The following HDX variants were observed in gnomAD, a reference collection of about 807,000 sequenced individuals.
HDX encodes chromosome X open reading frame 43.
HDX carries 19 observed loss-of-function variants against 45.2 expected under a neutral mutation model. The observed-to-expected ratio is 0.42, with a 90% confidence interval of 0.29 to 0.62. HDX has a LOEUF of 0.62. HDX is among the 20% of genes least tolerant of loss of function. HDX has a pLI of 0.20. For missense variants in HDX, 532 were observed against 493.9 expected, an observed-to-expected ratio of 1.08 and a Z score of -0.73; for synonymous variants, 188 against 172.8, an observed-to-expected ratio of 1.09 and a Z score of -0.69.
chrX:84,377,714 GA>G (rs1304842641), intron 5 of HDX, among the ~76,000 whole-genome samples: 5 of 106,632 alleles, frequency 4.7e-5, no homozygotes, highest in Non-Finnish European at 9.7e-5. Context: ...GGGACAAAAG[GA>G]AAAAAAAATA....
chrX:84,413,409 T>C (rs1235889182), intron 5 of HDX, among the ~76,000 whole-genome samples: 1 of 111,743 alleles, frequency 8.9e-6, no homozygotes, highest in East Asian at 2.8e-4. Context: ...GAAGATATTA[T>C]GGGGCCAAGG....
intron 4 of HDX, among the ~76,000 whole-genome samples, chrX:84,465,237 T>A (rs1569358985): frequency 8.9e-6 from 1 of 112,211 alleles, no homozygotes; most frequent in East Asian, 2.8e-4. Context: ...TGTAAATTAG[T>A]TCAACCATTG....
At chrX:84,495,668 A>T (rs141455318) in intron 1 of HDX, among the ~76,000 whole-genome samples, 1,640 of 111,835 alleles carry the variant, frequency 0.015, 23 homozygotes, top group African/African-American at 0.05. Flanking sequence ...TGAAAAAAAT[A>T]AAACAAAAAC....
chrX:84,368,010 A>C (rs1232311984), intron 5 of HDX, among the ~76,000 whole-genome samples: 2 of 111,936 alleles, frequency 1.8e-5, no homozygotes, highest in Non-Finnish European at 3.8e-5. Flanking sequence ...TTAAACATTA[A>C]ATAAATATTG....
intron 5 of HDX, among the ~76,000 whole-genome samples, chrX:84,432,639 G>A: frequency 9.0e-6 from 1 of 110,601 alleles, no homozygotes; most frequent in Non-Finnish European, 1.9e-5. Flanking sequence ...TGTTGTTTTT[G>A]TATAGAAATG....
intron 2 of HDX, among the ~76,000 whole-genome samples, chrX:84,485,797 T>C (rs150995858): frequency 2.7e-3 from 306 of 112,246 alleles, no homozygotes; most frequent in African/African-American, 7.9e-3. Context: ...TCTTTAGTTA[T>C]GTAATGCTGC....
At chrX:84,496,671 G>C (rs1308770045) in intron 1 of HDX, among the ~76,000 whole-genome samples, 1 of 111,572 alleles carries the variant, frequency 9.0e-6, no homozygotes, top group African/African-American at 3.3e-5. Context: ...ATTAGTGATG[G>C]AAGTGAGCCT....
intron 5 of HDX, among the ~76,000 whole-genome samples, chrX:84,408,524 C>CTTTTTTTTTT (rs2038894778): frequency 2.6e-4 from 7 of 27,161 alleles, no homozygotes; most frequent in East Asian, 2.6e-3. Context: ...TTTTTTTTTG[C>CTTTTTTTTTT]TTACAATTCC....
intron 10 of HDX, among the ~76,000 whole-genome samples, chrX:84,323,286 T>G (rs142575061): frequency 1.3e-3 from 141 of 111,273 alleles, no homozygotes; most frequent in African/African-American, 4.3e-3. Flanking sequence ...AGTGGCTAGA[T>G]TGCAGTAATA....
At chrX:84,413,461 C>G (rs1329977571) in intron 5 of HDX, among the ~76,000 whole-genome samples, 1 of 111,376 alleles carries the variant, frequency 9.0e-6, no homozygotes. Flanking sequence ...AACTCTAGGT[C>G]CCTAGTACCC....
chrX:84,478,624 T>C (rs1178948296), intron 2 of HDX, among the ~76,000 whole-genome samples: 2 of 111,604 alleles, frequency 1.8e-5, no homozygotes, highest in Non-Finnish European at 3.8e-5. Context: ...GAGGCTGAGG[T>C]AGGAGGATTT....
chrX:84,480,104 T>G (rs1335753788), intron 2 of HDX, among the ~76,000 whole-genome samples: 3 of 111,669 alleles, frequency 2.7e-5, no homozygotes, highest in African/African-American at 9.8e-5. Flanking sequence ...ATATATTTTC[T>G]GTTTTAGGGG....
At chrX:84,333,354 T>C (rs2036884966) in intron 9 of HDX, among the ~76,000 whole-genome samples, 1 of 111,633 alleles carries the variant, frequency 9.0e-6, no homozygotes, top group African/African-American at 3.2e-5. Context: ...AGCTGTATTA[T>C]CATATTTTTA....
At chrX:84,343,442 C>T (rs1178147997) in intron 7 of HDX, among the ~76,000 whole-genome samples, 1 of 109,978 alleles carries the variant, frequency 9.1e-6, no homozygotes, top group Non-Finnish European at 1.9e-5. Flanking sequence ...AACAACAAAA[C>T]AAACAAGCAA....
chrX:84,494,844 G>A (rs187930247), intron 1 of HDX, among the ~76,000 whole-genome samples: 116 of 111,341 alleles, frequency 1.0e-3, no homozygotes, highest in African/African-American at 3.7e-3. Context: ...TCAATATATA[G>A]CCAAAGGAAA....
At chrX:84,396,716 T>C (rs1019044717) in intron 5 of HDX, among the ~76,000 whole-genome samples, 1 of 111,641 alleles carries the variant, frequency 9.0e-6, no homozygotes, top group African/African-American at 3.3e-5. Flanking sequence ...AGGTAGTGTG[T>C]GCCTGTAAGT....
At chrX:84,345,235 C>G (rs1291936880) in intron 6 of HDX, among the ~76,000 whole-genome samples, 1 of 111,300 alleles carries the variant, frequency 9.0e-6, no homozygotes, top group East Asian at 2.8e-4. Context: ...AGCAAAATAT[C>G]AAAAACAGGA....
rs763952727 is a variant in HDX at position 84,469,432 on chromosome X, A to G, written c.291T>C (p.Ser97=). ...TGACATCATTATTGGCAGATGTCCA[A>G]GAAGACTGCTGGCTTGAGGGTCGAG... ...NIARPSSQQS[S]WTSANNDVIV... The change falls in exon 4 of 11, where the codon TCT becomes TCC. Residue 97 remains serine (S), a synonymous_variant. Coordinates refer to ENST00000373177, the MANE Select transcript of HDX (RefSeq NM_001177479.2). The G allele has an allele frequency of 1.7e-6, 2 of 1,211,307 alleles. No homozygotes were observed. The highest frequency in any genetic ancestry group is 4.4e-5 in the Admixed American group (2 of 45,966).
At position 84,378,601 on chromosome X, in the gene HDX, G is replaced by A. The variant is rs183918682; in HGVS notation, c.1306-16989C>T. Among the ~76,000 whole-genome samples, 147 of 111,212 alleles carry A rather than the reference G, an allele frequency of 1.3e-3. 1 individual carries two copies. The highest frequency in any genetic ancestry group is 2.2e-3 in the Non-Finnish European group (114 of 52,909). On this transcript the variant is annotated intron_variant, in intron 5 of 10. Transcript: ENST00000373177. ...ATAAGGTTAAAATAATGGGTTACAA[G>A]ATAGTACTTGCAAGCCTCATGATAA...
Sources: allele counts gnomAD v4.1 joint callset (sites outside exome capture counted in the v4.1 genomes callset), GRCh38; gene constraint gnomAD v4.1.1; transcripts MANE v1.5; gene names NCBI Gene and HGNC (gene_info 2026-07-23, HGNC 2026-07-21).